The following CPA6 variants were observed in gnomAD, a reference collection of about 807,000 sequenced individuals.
CPA6 encodes the protein carboxypeptidase B.
Under a neutral mutation model 63.3 loss-of-function variants are expected in CPA6, and 58 were observed. The observed-to-expected ratio is 0.92, with a 90% CI of 0.74 to 1.14. The LOEUF is 1.14. CPA6 is among the 50% of genes most tolerant of loss of function. The pLI, the probability that CPA6 is intolerant of heterozygous loss-of-function variation, is 0.00. For missense variants in CPA6, 565 were observed against 526.6 expected (o/e 1.07, Z -0.71); for synonymous variants, 185 against 179.0 (o/e 1.03, Z -0.27).
In CPA6 at chr8:67,687,018, G is replaced by C. The variant is rs7012415; in HGVS notation, c.116+58996C>G. Among the ~76,000 whole-genome samples the C allele has an allele frequency of 4.7e-3, 719 of 152,040 alleles. 6 individuals are homozygous for C. Among genetic ancestry groups the C allele is most frequent in the Non-Finnish European group, 7.5e-3 (509 of 67,956 alleles). On this transcript the variant is annotated intron_variant, in intron 1 of 10. Transcript: ENST00000297770. ...TCTTCAGAGGCCAAGAGAATCTCCC[G>C]GCCTTCTCAAAGCCACCTGCACCTG...
chr8:67,532,343 A>G (rs1812494435), intron 2 of CPA6, among the ~76,000 whole-genome samples: 2 of 151,966 alleles, frequency 1.3e-5, no homozygotes, highest in African/African-American at 4.8e-5. Context: ...TCAAATAAAA[A>G]AAATAGAGAA....
At chr8:67,478,378 T>C (rs145072583) in intron 8 of CPA6, among the ~76,000 whole-genome samples, 113 of 152,304 alleles carry the variant, frequency 7.4e-4, no homozygotes, top group African/African-American at 2.1e-3. Flanking sequence ...TGTGAATCAT[T>C]GTAGCAGATC....
chr8:67,513,319 A>C (rs1812079538), intron 3 of CPA6, among the ~76,000 whole-genome samples: 1 of 152,176 alleles, frequency 6.6e-6, no homozygotes, highest in Non-Finnish European at 1.5e-5. Flanking sequence ...CAATTTTCTA[A>C]CTTCCTTGTG....
chr8:67,475,854 TC>T (rs1435919646), intron 8 of CPA6, among the ~76,000 whole-genome samples: 3 of 99,558 alleles, frequency 3.0e-5, no homozygotes, highest in African/African-American at 8.3e-5. Context: ...TTTCTTTCTT[TC>T]TTTCTTTCTT....
At chr8:67,512,184 T>G (rs1812055788) in intron 3 of CPA6, among the ~76,000 whole-genome samples, 2 of 152,164 alleles carry the variant, frequency 1.3e-5, no homozygotes, top group African/African-American at 4.8e-5. Flanking sequence ...ATCTTGAGAT[T>G]CTAAGTCCAG....
chr8:67,702,792 A>G (rs1817053522), intron 1 of CPA6, among the ~76,000 whole-genome samples: 1 of 152,190 alleles, frequency 6.6e-6, no homozygotes, highest in African/African-American at 2.4e-5. Flanking sequence ...ACCTCAAAGG[A>G]AGAATCAGGG....
At chr8:67,605,670 G>GAAA (rs1814618214) in intron 2 of CPA6, among the ~76,000 whole-genome samples, 1 of 151,806 alleles carries the variant, frequency 6.6e-6, no homozygotes, top group Non-Finnish European at 1.5e-5. Context: ...CCAGAGAAAG[G>GAAA]GTCAGTTTTA....
chr8:67,601,965 T>C (rs1814507868), intron 2 of CPA6, among the ~76,000 whole-genome samples: 1 of 152,214 alleles, frequency 6.6e-6, no homozygotes, highest in Non-Finnish European at 1.5e-5. Flanking sequence ...TGAAATCTAA[T>C]ATCAGTAGAA....
At chr8:67,718,861 G>GGTCT (rs1817436268) in intron 1 of CPA6, among the ~76,000 whole-genome samples, 2 of 152,022 alleles carry the variant, frequency 1.3e-5, no homozygotes, top group Non-Finnish European at 2.9e-5. Context: ...TGGCTAGGAT[G>GGTCT]GTCTCAATCT....
intron 2 of CPA6, among the ~76,000 whole-genome samples, chr8:67,558,065 C>T (rs1813109483): frequency 6.6e-6 from 1 of 152,162 alleles, no homozygotes; most frequent in Non-Finnish European, 1.5e-5. Flanking sequence ...GCATATCTTA[C>T]TTTTCCCCCT....
At chr8:67,628,966 T>C (rs958052280) in intron 1 of CPA6, among the ~76,000 whole-genome samples, 12 of 152,004 alleles carry the variant, frequency 7.9e-5, no homozygotes, top group African/African-American at 2.9e-4. Flanking sequence ...AATACAAAAA[T>C]TATCTGGGTG....
chr8:67,623,476 C>A (rs1347395445), intron 2 of CPA6, among the ~76,000 whole-genome samples: 1 of 151,796 alleles, frequency 6.6e-6, no homozygotes, highest in Non-Finnish European at 1.5e-5. Context: ...GGCGACAGAG[C>A]AAGACCCTGT....
intron 2 of CPA6, among the ~76,000 whole-genome samples, chr8:67,537,720 T>C (rs577964130): frequency 1.0e-3 from 156 of 152,234 alleles, no homozygotes; most frequent in Non-Finnish European, 1.7e-3. Flanking sequence ...ATTCCTTGTC[T>C]TCTGCTAGCT....
chr8:67,477,749 C>G (rs1347896814), intron 8 of CPA6, among the ~76,000 whole-genome samples: 1 of 152,168 alleles, frequency 6.6e-6, no homozygotes, highest in Non-Finnish European at 1.5e-5. Context: ...CTATTAATCT[C>G]CAGTGACAGA....
At chr8:67,476,457 G>A (rs1421604128) in intron 8 of CPA6, among the ~76,000 whole-genome samples, 1 of 151,986 alleles carries the variant, frequency 6.6e-6, no homozygotes, top group Non-Finnish European at 1.5e-5. Flanking sequence ...CTATTAGCAT[G>A]GTATGTGGTG....
In CPA6 at chr8:67,483,820, C is replaced by A. The variant is rs763794254; in HGVS notation, c.786G>T (p.Arg262Ser). 42 of 1,614,066 alleles carry A rather than the reference C, an allele frequency of 2.6e-5. No homozygotes were observed. The African/African-American group carries it at 5.3e-4, about 21-fold the overall frequency. ...FWRKTRSRNS[R>S]FRCRGVDANR... ...TGGCATCCACTCCACGGCAGCGAAACCTTGAGTTCCTTGACCTTGTTTTTC... is the reference window on the plus strand; with the variant it reads ...TGGCATCCACTCCACGGCAGCGAAAACTTGAGTTCCTTGACCTTGTTTTTC... Residue 262 changes from arginine (R) to serine (S), a missense_variant, in exon 8 of 11, where the codon AGG becomes AGT. By Grantham distance (110) the Arg-to-Ser change is moderately radical (BLOSUM62 -1). Coordinates refer to ENST00000297770, the MANE Select transcript of CPA6 (RefSeq NM_020361.5).
In CPA6 at chr8:67,465,026, T is replaced by G. The variant is rs140612496; in HGVS notation, c.838+18742A>C. ...GGGTTCCATATGAATTTTAGAATAG[T>G]TTTTTCTAAATCTGTGAAAAATGAT... On this transcript the variant is annotated intron_variant, in intron 8 of 10. Transcript: ENST00000297770. Among the ~76,000 whole-genome samples, 501 of 152,294 alleles carry G rather than the reference T, an allele frequency of 3.3e-3. 7 individuals carry two copies. Among genetic ancestry groups the G allele is most frequent in the African/African-American group, 0.011 (461 of 41,570 alleles).
intron 1 of CPA6, among the ~76,000 whole-genome samples, chr8:67,629,746 G>C (rs1815279063): frequency 6.6e-6 from 1 of 152,114 alleles, no homozygotes; most frequent in Non-Finnish European, 1.5e-5. Flanking sequence ...GAGGGCTTTT[G>C]TACTGCATCA....
chr8:67,600,161 C>T (rs554454869), intron 2 of CPA6, among the ~76,000 whole-genome samples: 83 of 151,690 alleles, frequency 5.5e-4, no homozygotes, highest in African/African-American at 1.8e-3. Context: ...CAAAAGAAGA[C>T]ATTTATGCAG....
Sources: allele counts gnomAD v4.1 joint callset (sites outside exome capture counted in the v4.1 genomes callset), GRCh38; gene constraint gnomAD v4.1.1; transcripts MANE v1.5; gene names NCBI Gene and HGNC (gene_info 2026-07-23, HGNC 2026-07-21).